Variants in PAK2 observed in about 807,000 individuals in gnomAD.
PAK2 encodes the protein p21 (RAC1) activated kinase 2, also known as serine/threonine-protein kinase PAK 2.
In PAK2, 21 loss-of-function variants were observed where a neutral mutation model predicts 65.9. The ratio of observed to expected loss-of-function variants is 0.32; its 90% confidence interval spans 0.23 to 0.46. The LOEUF is 0.46. PAK2 is among the 20% of genes least tolerant of loss of function. PAK2 has a pLI of 1.00. For synonymous variants in PAK2, 204 were observed against 219.7 expected, an observed-to-expected ratio of 0.93 and a Z score of 0.63; for missense variants, 324 against 642.6, an observed-to-expected ratio of 0.50 and a Z score of 5.36.
chr3:196,758,383 C>T (rs989823245), intron 1 of PAK2, among the ~76,000 whole-genome samples: 7 of 152,218 alleles, frequency 4.6e-5, no homozygotes, highest in African/African-American at 1.7e-4. Flanking sequence ...AAAGTAGAGT[C>T]ATCAGTTCAT....
chr3:196,777,559 A>G (rs1241627221), intron 1 of PAK2, among the ~76,000 whole-genome samples: 4 of 152,212 alleles, frequency 2.6e-5, no homozygotes, highest in Admixed American at 6.5e-5. Context: ...ACCCTCATCA[A>G]CAAAAACTCT....
Position 196,827,339 on chromosome 3 carries a change from T to C in PAK2, c.1488+6T>C, listed in dbSNP as rs1711911774. On this transcript the variant is annotated splice_donor_region_variant and intron_variant, in intron 14 of 14. Transcript: ENST00000327134. ...CAGCCAAAGAATTATTACAGGTAAA[T>C]TTAAAAATGATTTCATTTGGGGGAA... The C allele has an allele frequency of 6.3e-7, 1 of 1,598,320 alleles. No individual in the cohort carries two copies.
intron 2 of PAK2, among the ~76,000 whole-genome samples, chr3:196,797,235 C>T (rs148936045): frequency 1.4e-3 from 209 of 152,122 alleles, no homozygotes; most frequent in African/African-American, 4.6e-3. Context: ...GAGGCTGAGG[C>T]GGGCAGATCA....
At chr3:196,782,905 T>C in intron 2 of PAK2, 72 bp downstream of exon 2, 1 of 986,946 alleles carries the variant, frequency 1.0e-6, no homozygotes, top group Non-Finnish European at 1.5e-6. Context: ...TTGATAACTT[T>C]TATGGTGAGA....
rs1053895260 is a variant in PAK2 at position 196,791,020 on chromosome 3, C to T, written c.187+8187C>T. On this transcript the variant is annotated intron_variant, in intron 2 of 14. Transcript: ENST00000327134. The surrounding 1 kb of genome is among the most constrained non-coding windows in gnomAD (Gnocchi z 4.0). ...CAAACTTTGAAGCTATGCAAAACTC[C>T]CCGGCCTTCCAAGCAGGTTTGCTTT... Among the ~76,000 whole-genome samples, 6 of 152,164 alleles carry T rather than the reference C, an allele frequency of 3.9e-5. No individual in the cohort carries two copies. Among genetic ancestry groups the T allele is most frequent in the Non-Finnish European group, 7.3e-5 (5 of 68,032 alleles).
rs3662 is a variant in PAK2, at chr3:196,828,572, C to A, written c.*167C>A. The A allele has an allele frequency of 0.18, 107,394 of 598,712 alleles. 11,997 individuals carry two copies. Among genetic ancestry groups the A allele is most frequent in the African/African-American group, 0.41 (21,416 of 51,916 alleles). 37.1% of individuals were successfully genotyped at this position (598,712 alleles called of 1,614,324 possible). On this transcript the variant is annotated 3_prime_UTR_variant, in exon 15 of 15. Coordinates refer to ENST00000327134, the MANE Select transcript of PAK2 (RefSeq NM_002577.4). ...CAACCAAGAGAAAATTGCAAAAAGA[C>A]AAGTATGACTTTTATATGAACCCCT... is the stretch of plus-strand genomic sequence containing the variant.
At chr3:196,773,812 C>T (rs1714450559) in intron 1 of PAK2, among the ~76,000 whole-genome samples, 1 of 152,018 alleles carries the variant, frequency 6.6e-6, no homozygotes, top group Admixed American at 6.6e-5. Context: ...GCAGAGGTTG[C>T]AGTGAGCCAA....
chr3:196,750,756 TAAA>T (rs869208797), intron 1 of PAK2, among the ~76,000 whole-genome samples: 6,539 of 147,642 alleles, frequency 0.044, 175 homozygotes, highest in African/African-American at 0.06. Context: ...AAATAAAGTT[TAAA>T]AAAAAAAAAA....
intron 1 of PAK2, among the ~76,000 whole-genome samples, chr3:196,774,560 A>G (rs1177205120): frequency 1.3e-5 from 2 of 152,234 alleles, no homozygotes; most frequent in Non-Finnish European, 2.9e-5. Context: ...AGAAATAGAT[A>G]CATAAAAATT....
chr3:196,806,568 C>T lies in PAK2; in HGVS notation c.469-11C>T, dbSNP rs775992242. On this transcript the variant is annotated splice_polypyrimidine_tract_variant and intron_variant, in intron 5 of 14. Coordinates refer to ENST00000327134, the MANE Select transcript of PAK2 (RefSeq NM_002577.4). ...GACTTGTTTTCCTTACTTTGCTCATCATCAATGCAGCTGAATGCCAAGGGA... is the reference window on the plus strand; with the variant it reads ...GACTTGTTTTCCTTACTTTGCTCATTATCAATGCAGCTGAATGCCAAGGGA... The T allele has an allele frequency of 2.7e-5, 42 of 1,547,706 alleles. No homozygotes were observed. Among genetic ancestry groups the T allele is most frequent in the African/African-American group, 2.0e-4 (15 of 73,672 alleles).
Position 196,820,678 on chromosome 3 carries a change from C to T in PAK2, c.1350+111C>T, listed in dbSNP as rs2108773105. 5 of 531,128 alleles carry T rather than the reference C, an allele frequency of 9.4e-6. No individual in the cohort carries two copies. The highest frequency in any genetic ancestry group is 6.2e-5 in the East Asian group (2 of 32,344). The allele number at this position is 531,128 out of a possible 1,614,324, so 32.9% of individuals were successfully genotyped here. A position where few individuals can be genotyped will look rare whatever the true frequency, so the allele number is the denominator to read the frequency against. ...AATTTAAAGTAGAAGGTTGATAAAACCTAATCTCTGCCCCTAACTCTGCAT... is the reference window on the plus strand; with the variant it reads ...AATTTAAAGTAGAAGGTTGATAAAATCTAATCTCTGCCCCTAACTCTGCAT... On this transcript the variant is annotated intron_variant, in intron 13 of 14. Coordinates refer to ENST00000327134, the MANE Select transcript of PAK2 (RefSeq NM_002577.4). The surrounding 1 kb of genome is among the most constrained non-coding windows in gnomAD (Gnocchi z 4.6).
At chr3:196,749,844 T>C (rs1028359697) in intron 1 of PAK2, among the ~76,000 whole-genome samples, 3 of 151,714 alleles carry the variant, frequency 2.0e-5, no homozygotes, top group Non-Finnish European at 2.9e-5. Context: ...TTTTTTGAGA[T>C]AGAGTCTTGC....
At chr3:196,742,291 T>C (rs1713223677) in intron 1 of PAK2, among the ~76,000 whole-genome samples, 1 of 151,758 alleles carries the variant, frequency 6.6e-6, no homozygotes, top group Non-Finnish European at 1.5e-5. Context: ...TTTCACCGTG[T>C]TGGTTAGGCT....
chr3:196,822,533 T>A (rs978607905), intron 13 of PAK2, among the ~76,000 whole-genome samples: 5 of 151,934 alleles, frequency 3.3e-5, no homozygotes, highest in Non-Finnish European at 5.9e-5. Flanking sequence ...TACAAAAAAA[T>A]TTAAAAATTA....
Position 196,791,887 on chromosome 3 carries a change from C to T in PAK2, c.187+9054C>T, listed in dbSNP as rs996081142. Among the ~76,000 whole-genome samples, 5 of 151,222 alleles carry T rather than the reference C, an allele frequency of 3.3e-5. No homozygotes were observed. Among genetic ancestry groups the T allele is most frequent in the South Asian group, 4.2e-4 (2 of 4,810 alleles). ...TGCAGTGGAGCTGTGATCGCGCCAC[C>T]GCACTCCAACCTGGGCGACAGAGCG... is the stretch of plus-strand genomic sequence containing the variant. On this transcript the variant is annotated intron_variant, in intron 2 of 14. Transcript: ENST00000327134. The surrounding 1 kb of genome is among the most constrained non-coding windows in gnomAD (Gnocchi z 4.0).
chr3:196,755,459 T>G (rs77088895), intron 1 of PAK2, among the ~76,000 whole-genome samples: 1 of 2,202 alleles, frequency 4.5e-4, no homozygotes, highest in Non-Finnish European at 1.5e-3. Flanking sequence ...TCTTCCGACT[T>G]TTTTTTTTTT....
intron 1 of PAK2, among the ~76,000 whole-genome samples, chr3:196,747,692 CTA>C (rs1335671565): frequency 2.0e-5 from 3 of 152,018 alleles, no homozygotes; most frequent in African/African-American, 7.3e-5. Context: ...AATTTAATGA[CTA>C]AGATTATTTG....
chr3:196,803,139 G>A lies in PAK2; in HGVS notation c.411G>A (p.Gln137=). 1 of 1,610,892 alleles carries A rather than the reference G, an allele frequency of 6.2e-7. No individual in the cohort carries two copies. Among genetic ancestry groups the A allele is most frequent in the South Asian group, 1.1e-5 (1 of 90,514 alleles). Residue 137 remains glutamine (Q), a synonymous_variant, in exon 4 of 15, where the codon CAG becomes CAA. Coordinates refer to ENST00000327134, the MANE Select transcript of PAK2 (RefSeq NM_002577.4). ...TCTACGACTCCAACACAGTGAAGCAGAAATATCTGAGCTTTACTCCTCCTG... is the reference window on the plus strand; with the variant it reads ...TCTACGACTCCAACACAGTGAAGCAAAAATATCTGAGCTTTACTCCTCCTG... ...LKFYDSNTVK[Q]KYLSFTPPEK... is the part of the protein sequence containing the mutation.
intron 1 of PAK2, among the ~76,000 whole-genome samples, chr3:196,778,262 G>A (rs1714598706): frequency 6.6e-6 from 1 of 152,096 alleles, no homozygotes; most frequent in Non-Finnish European, 1.5e-5. Context: ...CCATCTTATG[G>A]ATACACCACG....
Sources: gnomAD v4.1 joint callset for allele counts (sites outside exome capture counted in the v4.1 genomes callset) on GRCh38, gnomAD v4.1.1 for gene constraint, Gnocchi (gnomAD v3.1) non-coding constraint, MANE v1.5 for transcripts, NCBI Gene and HGNC (gene_info 2026-07-23, HGNC 2026-07-21) for gene names.